The following BTNL8 variants were observed in gnomAD, a reference collection of about 807,000 sequenced individuals.
BTNL8 encodes butyrophilin like 8.
Under a neutral mutation model 36.1 loss-of-function variants are expected in BTNL8, and 22 were observed. That is an observed-to-expected ratio of 0.61 (90% CI 0.44 to 0.87). BTNL8 has a LOEUF of 0.87. Ranked by LOEUF, BTNL8 falls within the 40% of genes least tolerant of loss-of-function variation. The probability of loss-of-function intolerance (pLI) is 0.00; values close to 1 mark genes in which losing one functional copy is unlikely to be tolerated. For synonymous variants in BTNL8, 203 were observed against 235.6 expected (o/e 0.86, Z 1.27); for missense variants, 526 against 616.9 (o/e 0.85, Z 1.56).
chr5:180,947,392 TAGG>T (rs1215932033), intron 3 of BTNL8, 117 bp from the exon 4 acceptor site: 1 of 1,318,284 alleles, frequency 7.6e-7, no homozygotes, highest in Non-Finnish European at 1.0e-6. Flanking sequence ...ATTAAGCCTA[TAGG>T]AGAATTTATA....
intron 3 of BTNL8, among the ~76,000 whole-genome samples, chr5:180,926,829 C>G (rs974734989): frequency 2.0e-5 from 3 of 152,198 alleles, no homozygotes; most frequent in Non-Finnish European, 4.4e-5. Flanking sequence ...CAGTCAAGGG[C>G]TTAGAGATAA....
At chr5:180,944,266 A>G (rs1312713880) in intron 3 of BTNL8, among the ~76,000 whole-genome samples, 1 of 152,218 alleles carries the variant, frequency 6.6e-6, no homozygotes, top group Admixed American at 6.5e-5. Context: ...TTGCATAGCA[A>G]AGTGACTATA....
At chr5:180,932,398 G>A (rs1758431011) in intron 3 of BTNL8, among the ~76,000 whole-genome samples, 1 of 152,200 alleles carries the variant, frequency 6.6e-6, no homozygotes, top group Non-Finnish European at 1.5e-5. Context: ...CCAGGCTGGA[G>A]TGCAGTGGCA....
At chr5:180,944,622 T>C (rs1034050924) in intron 3 of BTNL8, among the ~76,000 whole-genome samples, 7 of 152,134 alleles carry the variant, frequency 4.6e-5, no homozygotes, top group African/African-American at 1.7e-4. Context: ...AGGGTAACTA[T>C]AATTACCAAT....
chr5:180,901,564 T>C (rs551170080), intron 1 of BTNL8, among the ~76,000 whole-genome samples: 1 of 152,328 alleles, frequency 6.6e-6, no homozygotes, highest in East Asian at 1.9e-4. Flanking sequence ...TCTGTGTGAC[T>C]GGCTCTGTGC....
At chr5:180,918,650 G>T (rs1281151323) in intron 3 of BTNL8, among the ~76,000 whole-genome samples, 1 of 152,202 alleles carries the variant, frequency 6.6e-6, no homozygotes, top group African/African-American at 2.4e-5. Context: ...TGCCCAAGGT[G>T]GTTGAGTTAC....
Position 180,935,194 on chromosome 5 carries a change from G to A in BTNL8, c.674-12318G>A, listed in dbSNP as rs184714968. On this transcript the variant is annotated intron_variant, in intron 3 of 7. Transcript: ENST00000340184. This position sits in a 1 kb window ranked among gnomAD's most constrained non-coding sequence, Gnocchi z 4.8. ...GCACCATAAATTCTGACTCCAGGCA[G>A]TGGACTCCACCCGGAACTGGCAGCC... is the stretch of plus-strand genomic sequence containing the variant. Among the ~76,000 whole-genome samples, 60 of 152,288 alleles carry A rather than the reference G, an allele frequency of 3.9e-4. No individual in the cohort carries two copies. Among genetic ancestry groups the A allele is most frequent in the Non-Finnish European group, 5.6e-4 (38 of 68,020 alleles).
chr5:180,915,991 T>C (rs957863596), intron 3 of BTNL8, among the ~76,000 whole-genome samples: 17 of 152,188 alleles, frequency 1.1e-4, no homozygotes, highest in African/African-American at 3.6e-4. Context: ...GATTGGGTAA[T>C]TGATAATGAA....
chr5:180,923,436 TCTAA>T (rs1278922505), intron 3 of BTNL8, among the ~76,000 whole-genome samples: 1 of 152,126 alleles, frequency 6.6e-6, no homozygotes, highest in African/African-American at 2.4e-5. Flanking sequence ...AGTTTCAACA[TCTAA>T]CTATGATTTA....
At chr5:180,947,456 T>C (rs907947224) in intron 3 of BTNL8, 56 bp from the exon 4 acceptor site, 7 of 1,592,038 alleles carry the variant, frequency 4.4e-6, no homozygotes, top group Middle Eastern at 1.7e-4. Flanking sequence ...TAAAGAAGAA[T>C]TGAATTGTGT....
At chr5:180,909,024 G>A (rs1020697065) in intron 2 of BTNL8, 91 bp downstream of exon 2, 2 of 1,344,548 alleles carry the variant, frequency 1.5e-6, no homozygotes, top group African/African-American at 2.9e-5. Flanking sequence ...TAAAATTTTA[G>A]GTCATTTAGT....
At chr5:180,941,174 T>C (rs986115547) in intron 3 of BTNL8, among the ~76,000 whole-genome samples, 3 of 146,894 alleles carry the variant, frequency 2.0e-5, no homozygotes, top group Non-Finnish European at 4.5e-5. Context: ...AGAACTAGTA[T>C]ATGCCAACAA....
At position 180,945,987 on chromosome 5, in the gene BTNL8, T is replaced by TAATA. The variant is rs79795340; in HGVS notation, c.674-1497_674-1494dup. ...AGCTCTTTGTACATAAAATAAACATTAATAAATAAATAAATAAATAAATAA... is the reference window on the plus strand; with the variant it reads ...AGCTCTTTGTACATAAAATAAACATTAATAAATAAATAAATAAATAAATAAATAA... On this transcript the variant is annotated intron_variant, in intron 3 of 7. Transcript: ENST00000340184. The TAATA allele has an allele frequency of 9.1e-3, 1,460 of 159,816 alleles. 11 individuals carry two copies. Among genetic ancestry groups the TAATA allele is most frequent in the Middle Eastern group, 0.016 (5 of 306 alleles). The allele number at this position is 159,816 out of a possible 1,614,324, so 9.9% of individuals were successfully genotyped here. A position where few individuals can be genotyped will look rare whatever the true frequency, so the allele number is the denominator to read the frequency against.
At chr5:180,944,377 TC>T (rs1554145777) in intron 3 of BTNL8, among the ~76,000 whole-genome samples, 1 of 152,178 alleles carries the variant, frequency 6.6e-6, no homozygotes, top group Non-Finnish European at 1.5e-5. Flanking sequence ...ATGGAAATGA[TC>T]ATTACACAAT....
chr5:180,899,443 C>A, intron 1 of BTNL8, 84 bp downstream of exon 1: 1 of 1,458,204 alleles, frequency 6.9e-7, no homozygotes, highest in Non-Finnish European at 9.6e-7. Flanking sequence ...GGAATGAAGG[C>A]ATCTTTGTCG....
At chr5:180,936,163 C>G (rs1758646321) in intron 3 of BTNL8, among the ~76,000 whole-genome samples, 1 of 152,038 alleles carries the variant, frequency 6.6e-6, no homozygotes, top group South Asian at 2.1e-4. Context: ...CTTGCCTTGT[C>G]CTCCGAAAGT....
chr5:180,937,454 T>C (rs548527969), intron 3 of BTNL8, among the ~76,000 whole-genome samples: 10 of 152,232 alleles, frequency 6.6e-5, no homozygotes, highest in South Asian at 4.1e-4. Flanking sequence ...CACCCACGTA[T>C]CCAACCAACA....
chr5:180,949,384 T>A lies in BTNL8; in HGVS notation c.862+119T>A. 1.5e-6 allele frequency: 2 copies of A among 1,357,022 alleles called. 1 individual carries two copies. The allele number at this position is 1,357,022 out of a possible 1,614,324, so 84.1% of individuals were successfully genotyped here. ...TGCTGAGACCCATCCTGCCTGCAGATGGAGAAACTGGATGCTTGATCGCCC... is the reference window on the plus strand; with the variant it reads ...TGCTGAGACCCATCCTGCCTGCAGAAGGAGAAACTGGATGCTTGATCGCCC... On this transcript the variant is annotated intron_variant, in intron 7 of 7. Transcript: ENST00000340184.
intron 1 of BTNL8, among the ~76,000 whole-genome samples, chr5:180,905,569 C>T (rs1451243884): frequency 1.1e-5 from 1 of 95,156 alleles, no homozygotes; most frequent in Non-Finnish European, 2.0e-5. Flanking sequence ...CTTCTGCTAG[C>T]TTTTGAATGT....
Sources: gnomAD v4.1 joint callset for allele counts (sites outside exome capture counted in the v4.1 genomes callset) on GRCh38, gnomAD v4.1.1 for gene constraint, Gnocchi (gnomAD v3.1) non-coding constraint, MANE v1.5 for transcripts, NCBI Gene and HGNC (gene_info 2026-07-23, HGNC 2026-07-21) for gene names.